The following LARP1 variants were observed in gnomAD, a reference collection of about 807,000 sequenced individuals.
The protein encoded by LARP1 is la-related protein 1.
Under a neutral mutation model 122.7 loss-of-function variants are expected in LARP1, and 36 were observed. That is an observed-to-expected ratio of 0.29 (90% CI 0.22 to 0.39). LARP1 has a LOEUF of 0.39. LARP1 is among the 10% of genes least tolerant of loss of function. The pLI is 1.00. For missense variants in LARP1, 1,040 were observed against 1,403.6 expected (o/e 0.74, Z 4.14); for synonymous variants, 539 against 528.7 (o/e 1.02, Z -0.27).
chr5:154,787,915 A>G (rs985497131), intron 1 of LARP1, among the ~76,000 whole-genome samples: 4 of 152,192 alleles, frequency 2.6e-5, no homozygotes, highest in African/African-American at 9.7e-5. Flanking sequence ...ATACTTTACC[A>G]TCTCCTTTTG....
At chr5:154,707,187 G>A (rs1754991993) in intron 1 of LARP1, among the ~76,000 whole-genome samples, 1 of 152,122 alleles carries the variant, frequency 6.6e-6, no homozygotes, top group Admixed American at 6.6e-5. Flanking sequence ...GGGAGGCTGA[G>A]GTGGGAGGCC....
rs1157578146 is a variant in LARP1, at chr5:154,728,331, G to A, written c.205+15201G>A. On this transcript the variant is annotated intron_variant, in intron 1 of 18. Coordinates refer to the LARP1 transcript ENST00000336314. ...ATTCGTGTACCCACACTCCTTTGTA[G>A]TGTGACTTTGCCACTCTTTCAATCA... Among the ~76,000 whole-genome samples, 7 of 152,240 alleles carry A rather than the reference G, an allele frequency of 4.6e-5. No individual in the cohort carries two copies. The East Asian group carries it at 1.4e-3, about 29-fold the overall frequency.
intron 1 of LARP1, among the ~76,000 whole-genome samples, chr5:154,775,840 C>T (rs1755836215): frequency 6.6e-6 from 1 of 152,182 alleles, no homozygotes; most frequent in Non-Finnish European, 1.5e-5. Flanking sequence ...TACCTTCTCA[C>T]TGGATAACCT....
chr5:154,782,403 A>G (rs1323723321), intron 1 of LARP1, among the ~76,000 whole-genome samples: 1 of 152,172 alleles, frequency 6.6e-6, no homozygotes, highest in Non-Finnish European at 1.5e-5. Context: ...GACTGGTACC[A>G]GCAGTGGGAG....
chr5:154,809,035 CTG>C (rs1287921704), intron 16 of LARP1, among the ~76,000 whole-genome samples: 1 of 152,154 alleles, frequency 6.6e-6, no homozygotes, highest in Non-Finnish European at 1.5e-5. Context: ...CATTCTATAT[CTG>C]TACATAATTA....
intron 1 of LARP1, among the ~76,000 whole-genome samples, chr5:154,787,195 C>T (rs1756961441): frequency 6.6e-6 from 1 of 152,146 alleles, no homozygotes; most frequent in Non-Finnish European, 1.5e-5. Context: ...GTTTTCTTGA[C>T]CAAGTGAATG....
intron 1 of LARP1, among the ~76,000 whole-genome samples, chr5:154,728,665 G>T (rs755544118): frequency 1.3e-5 from 2 of 152,134 alleles, no homozygotes; most frequent in African/African-American, 4.8e-5. Flanking sequence ...TTTGAATATG[G>T]AAAGTTGAGT....
intron 1 of LARP1, among the ~76,000 whole-genome samples, chr5:154,780,915 T>C (rs548819102): frequency 6.6e-6 from 1 of 151,762 alleles, no homozygotes; most frequent in Admixed American, 6.6e-5. Context: ...TACAAAAAAT[T>C]AGACAGGCTT....
At chr5:154,756,258 C>T (rs912303666) in intron 1 of LARP1, 65 bp downstream of exon 1, 1 of 1,115,000 alleles carries the variant, frequency 9.0e-7, no homozygotes, top group Admixed American at 4.8e-5. Context: ...AGTCCCCTCC[C>T]CCAGCACCTC....
chr5:154,794,084 C>G lies in LARP1; in HGVS notation c.1070-16C>G. 6.2e-7 allele frequency: 1 copy of G among 1,613,850 alleles called. No homozygotes were observed. On this transcript the variant is annotated splice_polypyrimidine_tract_variant and intron_variant, in intron 6 of 18. Transcript: ENST00000518297. ...CAGGAATCTCCTCTCCCTCATGGCACCCGTTTCCCCCATAGCCCATTTTGA... is the reference window on the plus strand; with the variant it reads ...CAGGAATCTCCTCTCCCTCATGGCAGCCGTTTCCCCCATAGCCCATTTTGA...
chr5:154,814,051 C>G lies in LARP1; in HGVS notation c.3246C>G (p.Ala1082=). The G allele has an allele frequency of 1.9e-6, 3 of 1,614,030 alleles. No individual in the cohort carries two copies. Among genetic ancestry groups the G allele is most frequent in the Non-Finnish European group, 2.5e-6 (3 of 1,180,006 alleles). Residue 1082 remains alanine (A), a synonymous_variant, in exon 19 of 19, where the codon GCC becomes GCG. Coordinates refer to ENST00000518297, the MANE Select transcript of LARP1 (RefSeq NM_033551.3). ...CCGGCCAGCCTGTCCGGGAAGATGC[C>G]AAATGGACAAGCCAGCACTCGAACA... ...PPTGQPVRED[A]KWTSQHSNTQ... is the part of the protein sequence containing the mutation.
chr5:154,703,120 CAAAAAAAAAAA>C (rs757446137), intron 1 of LARP1, among the ~76,000 whole-genome samples: 3 of 38,760 alleles, frequency 7.7e-5, no homozygotes, highest in African/African-American at 2.4e-4. Flanking sequence ...GACGCTGTCT[CAAAAAAAAAAA>C]AAAAAAAAAA....
intron 16 of LARP1, among the ~76,000 whole-genome samples, chr5:154,809,494 T>C (rs1419505757): frequency 6.6e-6 from 1 of 152,048 alleles, no homozygotes; most frequent in Non-Finnish European, 1.5e-5. Context: ...CTTCTTGGCA[T>C]ATTTAATGTA....
At chr5:154,754,860 G>C (rs560772279), upstream of LARP1, among the ~76,000 whole-genome samples, 3 of 152,258 alleles carry the variant, frequency 2.0e-5, no homozygotes, top group African/African-American at 7.2e-5. Context: ...CCTCGGGGCG[G>C]ATGAGGGTCC....
chr5:154,743,466 G>A (rs1489970632), intron 1 of LARP1, among the ~76,000 whole-genome samples: 6 of 147,310 alleles, frequency 4.1e-5, no homozygotes, highest in Admixed American at 2.7e-4. Flanking sequence ...CCGCCACCAT[G>A]CCCAGCTAAT....
chr5:154,712,960 C>T (rs1755295372), exon 1 of LARP1: 1 of 1,614,210 alleles, frequency 6.2e-7, no homozygotes. Flanking sequence ...AAGAGGCCTC[C>T]TTTCCCTCAC....
intron 1 of LARP1, among the ~76,000 whole-genome samples, chr5:154,740,944 C>T (rs1170178438): frequency 2.0e-5 from 3 of 152,168 alleles, no homozygotes; most frequent in Non-Finnish European, 4.4e-5. Flanking sequence ...CCCTGGGCTT[C>T]CAGATTGAAA....
chr5:154,754,975 G>A (rs530409408), upstream of LARP1, among the ~76,000 whole-genome samples: 23 of 152,274 alleles, frequency 1.5e-4, no homozygotes, highest in African/African-American at 5.3e-4. Context: ...CGCGTGGCCG[G>A]GTCCCATGTG....
At chr5:154,702,852 G>A (rs1282389035) in intron 1 of LARP1, among the ~76,000 whole-genome samples, 1 of 151,780 alleles carries the variant, frequency 6.6e-6, no homozygotes, top group Non-Finnish European at 1.5e-5. Flanking sequence ...GGGCGAGATG[G>A]CTCACGCCTG....
Sources: gnomAD v4.1 joint callset for allele counts (sites outside exome capture counted in the v4.1 genomes callset) on GRCh38, gnomAD v4.1.1 for gene constraint, MANE v1.5 for transcripts, NCBI Gene and HGNC (gene_info 2026-07-23, HGNC 2026-07-21) for gene names.